Variants in SLC12A8 observed in about 807,000 individuals in gnomAD.
SLC12A8 encodes solute carrier family 12 member 8, also known as cation-chloride cotransporter 9.
SLC12A8 carries 69 observed loss-of-function variants against 75.6 expected under a neutral mutation model. The ratio of observed to expected loss-of-function variants is 0.91; its 90% CI spans 0.75 to 1.11. The LOEUF (loss-of-function observed/expected upper bound fraction) is 1.11. Ranked by LOEUF, SLC12A8 falls within the 50% of genes most tolerant of loss-of-function variation. The pLI is 0.00. For missense variants in SLC12A8, 877 were observed against 896.7 expected (o/e 0.98, Z 0.28); for synonymous variants, 365 against 372.8 (o/e 0.98, Z 0.24).
At position 125,106,040 on chromosome 3, in the gene SLC12A8, C is replaced by T. The variant is rs1039682924; in HGVS notation, c.1705+1441G>A. 1.0e-3 allele frequency among the ~76,000 whole-genome samples: 156 copies of T among 152,152 alleles called. 1 individual carries two copies. Among genetic ancestry groups the T allele is most frequent in the African/African-American group, 3.5e-3 (146 of 41,530 alleles). The stretch of plus-strand genomic sequence containing the variant: ...CTCAAAAGATGATGTCAGAAACTGA[C>T]ATATCAAGAAGTAGCAATGCAAATA... On this transcript the variant is annotated intron_variant, in intron 10 of 13. Transcript: ENST00000469902.
At chr3:125,151,039 CACT>C (rs1460673425) in intron 5 of SLC12A8, 1 of 152,220 alleles carries the variant, frequency 6.6e-6, no homozygotes, top group African/African-American at 2.4e-5. Context: ...TTGTTTATGG[CACT>C]TCAAGCCCAA....
At chr3:125,141,991 G>A (rs539579837) in intron 5 of SLC12A8, among the ~76,000 whole-genome samples, 1 of 152,288 alleles carries the variant, frequency 6.6e-6, no homozygotes, top group South Asian at 2.1e-4. Context: ...GGTAGGCCCC[G>A]GAGACTGCGC....
intron 6 of SLC12A8, among the ~76,000 whole-genome samples, chr3:125,121,607 T>C (rs1307333245): frequency 6.6e-6 from 1 of 152,226 alleles, no homozygotes; most frequent in Non-Finnish European, 1.5e-5. Context: ...TGTTTAATTC[T>C]CATAACAACC....
At chr3:125,088,460 A>C in intron 12 of SLC12A8, 90 bp from the exon 13 acceptor site, 1 of 966,900 alleles carries the variant, frequency 1.0e-6, no homozygotes, top group South Asian at 1.3e-5. Context: ...GCAAACCCCA[A>C]TACACACACA....
chr3:125,170,237 A>C (rs1934379365), intron 5 of SLC12A8, among the ~76,000 whole-genome samples: 1 of 152,324 alleles, frequency 6.6e-6, no homozygotes, highest in South Asian at 2.1e-4. Flanking sequence ...ATCTGGTAGA[A>C]CCTAACAAAA....
chr3:125,195,045 G>A (rs1377382394), intron 2 of SLC12A8, among the ~76,000 whole-genome samples: 1 of 152,216 alleles, frequency 6.6e-6, no homozygotes, highest in East Asian at 1.9e-4. Context: ...GCCTGCCTCA[G>A]GGGGGTTTTG....
At chr3:125,119,963 G>C in intron 7 of SLC12A8, 2 of 455,230 alleles carry the variant, frequency 4.4e-6, no homozygotes, top group South Asian at 3.1e-5. Context: ...TGCTTGTGTG[G>C]GTGGCACAGT....
intron 7 of SLC12A8, 24 bp from the exon 8 acceptor site, chr3:125,118,880 G>A (rs745859451): frequency 1.3e-6 from 2 of 1,549,158 alleles, no homozygotes; most frequent in Non-Finnish European, 1.8e-6. Context: ...GAGCAGAACA[G>A]AGCTGCCCCC....
chr3:125,135,029 G>A (rs140753863), intron 6 of SLC12A8, among the ~76,000 whole-genome samples: 1 of 152,346 alleles, frequency 6.6e-6, no homozygotes, highest in East Asian at 1.9e-4. Context: ...CCAGGCCAGG[G>A]ACCCAAGCAT....
chr3:125,095,434 G>A (rs1188669971), intron 10 of SLC12A8, among the ~76,000 whole-genome samples: 1 of 152,058 alleles, frequency 6.6e-6, no homozygotes, highest in East Asian at 1.9e-4. Flanking sequence ...ACTCCTCACT[G>A]CCTCCATTGC....
intron 2 of SLC12A8, among the ~76,000 whole-genome samples, chr3:125,203,088 CAAAAAAAAAAAA>C (rs758212012): frequency 2.3e-5 from 2 of 88,444 alleles, no homozygotes; most frequent in East Asian, 3.6e-4. Context: ...GACTTCATCT[CAAAAAAAAAAAA>C]AAAAAAAAAG....
chr3:125,181,994 C>T (rs948728563), intron 4 of SLC12A8, among the ~76,000 whole-genome samples: 13 of 152,086 alleles, frequency 8.5e-5, no homozygotes, highest in Non-Finnish European at 1.8e-4. Flanking sequence ...CAAGACCAGC[C>T]TGGGCAACAT....
intron 5 of SLC12A8, among the ~76,000 whole-genome samples, chr3:125,153,003 G>A (rs1019796563): frequency 5.3e-5 from 8 of 152,070 alleles, no homozygotes; most frequent in Admixed American, 2.6e-4. Flanking sequence ...GCAGCCAGGC[G>A]CTCCGTCCAC....
intron 8 of SLC12A8, among the ~76,000 whole-genome samples, chr3:125,118,542 T>C (rs114166931): frequency 0.011 from 1,737 of 152,232 alleles, 36 homozygotes; most frequent in African/African-American, 0.038. Context: ...GACAGGAGAA[T>C]TGCTTGAGCC....
intron 5 of SLC12A8, among the ~76,000 whole-genome samples, chr3:125,141,348 T>G (rs970630148): frequency 1.3e-5 from 2 of 152,230 alleles, no homozygotes; most frequent in Admixed American, 1.3e-4. Flanking sequence ...GCCCACCATC[T>G]GCTCCCAAGG....
chr3:125,120,543 C>A, intron 7 of SLC12A8, 56 bp downstream of exon 7: 2 of 1,293,240 alleles, frequency 1.5e-6, no homozygotes, highest in East Asian at 2.4e-5. Flanking sequence ...CCTCTTCTGC[C>A]TGGGGTTTTC....
At chr3:125,110,419 C>T (rs1939159735) in intron 8 of SLC12A8, 84 bp from the exon 9 acceptor site, 1 of 1,385,714 alleles carries the variant, frequency 7.2e-7, no homozygotes, top group Non-Finnish European at 9.9e-7. Context: ...CACCTGCACC[C>T]CATGCAATCA....
intron 5 of SLC12A8, among the ~76,000 whole-genome samples, chr3:125,143,524 G>A (rs1018587867): frequency 1.1e-4 from 17 of 152,222 alleles, no homozygotes; most frequent in Non-Finnish European, 2.4e-4. Context: ...ATGTGCACAG[G>A]GTTTCCAGCC....
At chr3:125,128,571 C>A (rs1344576634) in intron 6 of SLC12A8, among the ~76,000 whole-genome samples, 2 of 151,544 alleles carry the variant, frequency 1.3e-5, no homozygotes, top group Non-Finnish European at 2.9e-5. Flanking sequence ...CCTCTGCCTC[C>A]CAGGTTCAAG....
Sources: allele counts gnomAD v4.1 joint callset (sites outside exome capture counted in the v4.1 genomes callset), GRCh38; gene constraint gnomAD v4.1.1; transcripts MANE v1.5; gene names NCBI Gene and HGNC (gene_info 2026-07-23, HGNC 2026-07-21).